ERCC8: variants seen among roughly 807,000 people sequenced by gnomAD.
ERCC8 encodes ERCC excision repair 8, CSA ubiquitin ligase complex subunit.
A neutral mutation model predicts 54.9 loss-of-function variants in ERCC8; 52 were observed. That is an observed-to-expected ratio of 0.95 (90% confidence interval 0.76 to 1.19). The LOEUF (loss-of-function observed/expected upper bound fraction) is 1.19, where lower values mean the gene tolerates loss of function less well. Among genes scored for constraint, ERCC8 ranks in the 50% most tolerant of loss-of-function variants. The probability of loss-of-function intolerance (pLI) is 0.00; values close to 1 mark genes in which losing one functional copy is unlikely to be tolerated. For synonymous variants in ERCC8, 146 were observed against 157.2 expected (o/e 0.93, Z 0.53); for missense variants, 514 against 466.1 (o/e 1.10, Z -0.95).
chr5:60,926,259 G>T (rs1749748058), intron 2 of ERCC8, among the ~76,000 whole-genome samples: 1 of 152,146 alleles, frequency 6.6e-6, no homozygotes, highest in Non-Finnish European at 1.5e-5. Context: ...AACTCTCCAA[G>T]ATAAGGAGCT....
In ERCC8 at chr5:60,874,275, TG is replaced by T. The variant is rs1208117333; in HGVS notation, c.*339del. On this transcript the variant is annotated 3_prime_UTR_variant, in exon 12 of 12. Coordinates refer to ENST00000676185, the MANE Select transcript of ERCC8 (RefSeq NM_000082.4). ...GCAAGTAAGAGAAAGTCAATACTGA[TG>T]GCCTCCACTTGCTGATCCTCTGAGA... is the stretch of plus-strand genomic sequence containing the variant. 8 of 211,216 alleles carry T rather than the reference TG, an allele frequency of 3.8e-5. No individual in the cohort carries two copies. The highest frequency in any genetic ancestry group is 5.6e-5 in the Non-Finnish European group (6 of 106,742). The allele number at this position is 211,216 out of a possible 1,614,324, so 13.1% of individuals were successfully genotyped here.
intron 10 of ERCC8, among the ~76,000 whole-genome samples, chr5:60,888,434 C>T (rs1748457621): frequency 6.6e-6 from 1 of 151,990 alleles, no homozygotes; most frequent in South Asian, 2.1e-4. Flanking sequence ...AATTTTACTC[C>T]CCTGAGAAGG....
At chr5:60,918,469 T>C in intron 3 of ERCC8, 81 bp from the exon 4 acceptor site, 1 of 1,259,094 alleles carries the variant, frequency 7.9e-7, no homozygotes, top group Non-Finnish European at 1.1e-6. Context: ...CAAGTAGTAG[T>C]CTCAGGTAGG....
At chr5:60,892,546 C>T (rs1487897544) in intron 9 of ERCC8, 1 of 640,734 alleles carries the variant, frequency 1.6e-6, no homozygotes, top group Non-Finnish European at 3.0e-6. Flanking sequence ...CTGTGTAAGT[C>T]TCTCTTCTTC....
At position 60,944,987 on chromosome 5, in the gene ERCC8, G is replaced by T. The variant is rs746417266; in HGVS notation, c.22C>A (p.Arg8Ser). The change falls in exon 1 of 12, where the codon CGC (arginine) becomes AGC (serine). Residue 8 changes from arginine (R) to serine (S), a missense_variant. Coordinates refer to ENST00000676185, the MANE Select transcript of ERCC8 (RefSeq NM_000082.4). The part of the protein sequence containing the change: MLGFLSA[R>S]QTGLEDPLRL... ...AGAGGGTCCTCCAAACCCGTTTGGC[G>T]TGCGGACAAAAACCCCAGCATATCG... is the stretch of plus-strand genomic sequence containing the variant. The T allele has an allele frequency of 6.2e-7, 1 of 1,614,076 alleles. No homozygotes were observed. Among genetic ancestry groups the T allele is most frequent in the Admixed American group, 1.7e-5 (1 of 60,022 alleles).
intron 1 of ERCC8, among the ~76,000 whole-genome samples, chr5:60,934,560 C>T (rs1043883174): frequency 5.3e-5 from 8 of 152,108 alleles, no homozygotes; most frequent in Admixed American, 2.6e-4. Flanking sequence ...TTTTGCTGTG[C>T]AGTTTAATTA....
chr5:60,898,297 A>T lies in ERCC8; in HGVS notation c.822T>A (p.Ser274Arg). The change falls in exon 9 of 12, where the codon AGT becomes AGA. Residue 274 changes from serine (S) to arginine (R), a missense_variant. Physicochemically the swap from Ser to Arg is moderately radical, Grantham distance 110. Transcript: ENST00000676185. ...TTACAAGTGTGTTTTCTCCATTGGA[A>T]CTATTCCAGAGCCTCATTCGATTAT... Reference protein sequence around the residue: ...GTDNRMRLWNSSNGENTLVNY... With the variant: ...GTDNRMRLWNRSNGENTLVNY... 1 of 1,613,658 alleles carries T rather than the reference A, an allele frequency of 6.2e-7. No homozygotes were observed. The highest frequency in any genetic ancestry group is 8.5e-7 in the Non-Finnish European group (1 of 1,179,676).
rs1482664387 is a variant in ERCC8, at chr5:60,887,439, C to T, written c.1122+1G>A. 9.3e-6 allele frequency: 15 copies of T among 1,605,244 alleles called. No individual in the cohort carries two copies. The highest frequency in any genetic ancestry group is 1.1e-5 in the Non-Finnish European group (13 of 1,172,150). On this transcript the variant is annotated splice_donor_variant, in intron 11 of 11. Coordinates refer to ENST00000676185, the MANE Select transcript of ERCC8 (RefSeq NM_000082.4). LOFTEE classifies it high-confidence loss of function. ...GTACCATTTGTGAAAATAATATTTA[C>T]CTCATCATCATCAGGAACTGGTTCA...
In ERCC8 at chr5:60,899,662, T is replaced by G. The variant is rs192183306; in HGVS notation, c.683A>C (p.Gln228Pro). 3.6e-5 allele frequency: 58 copies of G among 1,612,362 alleles called. No individual in the cohort carries two copies. In the African/African-American group the frequency reaches 7.6e-4, roughly 21 times the overall value. ...AGCTTGTGACTTTTTCCCATTATGT[T>G]GATCAAGAGTAATCAAACATCCTGA... ...RASGCLITLDQHNGKKSQAVE... is the reference protein window; with the variant it reads ...RASGCLITLDPHNGKKSQAVE... The change falls in exon 8 of 12, where the codon CAA (glutamine) becomes CCA (proline). Residue 228 changes from glutamine to proline, a missense_variant. Physicochemically the swap from Gln to Pro is moderately conservative, Grantham distance 76 (BLOSUM62 -1). Coordinates refer to ENST00000676185, the MANE Select transcript of ERCC8 (RefSeq NM_000082.4).
rs558544304 is a variant in ERCC8 at position 60,882,672 on chromosome 5, C to G, written c.1122+4768G>C. On this transcript the variant is annotated intron_variant, in intron 11 of 11. Transcript: ENST00000676185. ...AAAGTGCTGGGATTACAGGCGTGAG[C>G]CACCACTCCTGGGCACGAAACTATT... Among the ~76,000 whole-genome samples the G allele has an allele frequency of 2.6e-5, 4 of 152,282 alleles. No homozygotes were observed. The South Asian group carries it at 8.3e-4, about 32-fold the overall frequency.
intron 2 of ERCC8, chr5:60,924,452 T>C (rs1222434980): frequency 6.5e-6 from 1 of 154,554 alleles, no homozygotes; most frequent in African/African-American, 2.4e-5. Flanking sequence ...TGGCTGGATA[T>C]AAAATCCTTG....
chr5:60,902,629 A>T, intron 6 of ERCC8, 121 bp from the exon 7 acceptor site: 1 of 764,022 alleles, frequency 1.3e-6, no homozygotes, highest in Non-Finnish European at 2.4e-6. Context: ...AATAGATATG[A>T]CCATTTTTCA....
At chr5:60,899,596 T>C in intron 8 of ERCC8, 31 bp downstream of exon 8, 1 of 1,462,106 alleles carries the variant, frequency 6.8e-7, no homozygotes, top group Non-Finnish European at 9.6e-7. Context: ...AATACTATCA[T>C]TGTCATATTT....
At chr5:60,878,762 C>G (rs1056935914) in intron 11 of ERCC8, among the ~76,000 whole-genome samples, 3 of 151,632 alleles carry the variant, frequency 2.0e-5, no homozygotes, top group Non-Finnish European at 4.4e-5. Context: ...GCTCTCTTTT[C>G]TTCTTTATTA....
At chr5:60,902,159 A>T (rs1443587849) in intron 7 of ERCC8, among the ~76,000 whole-genome samples, 1 of 152,092 alleles carries the variant, frequency 6.6e-6, no homozygotes, top group African/African-American at 2.4e-5. Context: ...AAAATGCTCT[A>T]TTTAAAAATT....
intron 2 of ERCC8, among the ~76,000 whole-genome samples, chr5:60,922,458 A>G (rs147474400): frequency 4.3e-4 from 65 of 152,194 alleles, no homozygotes; most frequent in African/African-American, 1.5e-3. Context: ...GTAAAATATT[A>G]CAAAGTTATT....
Position 60,874,660 on chromosome 5 carries a change from A to C in ERCC8, c.1146T>G (p.Asn382Lys). Residue 382 changes from asparagine to lysine, a missense_variant, in exon 12 of 12, where the codon AAT (asparagine) becomes AAG (lysine). Physicochemically the swap from Asn to Lys is moderately conservative, Grantham distance 94 (BLOSUM62 0). Transcript: ENST00000676185. ...DDETTTKSQL[N>K]PAFEDAWSSS... ...TGCTCCAGGCATCTTCAAAGGCCGG[A>C]TTTAATTGTGATTTTGTTGTAGTCT... 6.2e-7 allele frequency: 1 copy of C among 1,611,088 alleles called. No homozygotes were observed. Among genetic ancestry groups the C allele is most frequent in the East Asian group, 2.2e-5 (1 of 44,822 alleles).
At chr5:60,893,272 AT>A in intron 9 of ERCC8, 2 of 1,016,656 alleles carry the variant, frequency 2.0e-6, no homozygotes, top group Non-Finnish European at 3.1e-6. Flanking sequence ...GAGGAAACAT[AT>A]TTAATTCCTG....
At chr5:60,874,905 A>G (rs1747953566) in intron 11 of ERCC8, among the ~76,000 whole-genome samples, 1 of 152,224 alleles carries the variant, frequency 6.6e-6, no homozygotes, top group African/African-American at 2.4e-5. Flanking sequence ...CTTTATCCAA[A>G]CACCCTGTTT....
Sources: allele counts gnomAD v4.1 joint callset (sites outside exome capture counted in the v4.1 genomes callset), GRCh38; gene constraint gnomAD v4.1.1; transcripts MANE v1.5; gene names NCBI Gene and HGNC (gene_info 2026-07-23, HGNC 2026-07-21).